Variants in EXD3 observed in about 807,000 individuals in gnomAD.
EXD3 encodes the protein exonuclease 3'-5' domain containing 3.
EXD3 carries 92 observed loss-of-function variants against 98.0 expected under a neutral mutation model. That is an observed-to-expected ratio of 0.94 (90% CI 0.79 to 1.12). EXD3 has a LOEUF of 1.12. Among genes scored for constraint, EXD3 ranks in the 50% most tolerant of loss-of-function variants. The probability of loss-of-function intolerance (pLI) is 0.00; values close to 1 mark genes in which losing one functional copy is unlikely to be tolerated. For synonymous variants in EXD3, 569 were observed against 526.0 expected (o/e 1.08, Z -1.12); for missense variants, 1,222 against 1,191.6 (o/e 1.03, Z -0.38).
At chr9:137,415,437 G>A (rs1401871865) in intron 1 of EXD3, among the ~76,000 whole-genome samples, 1 of 152,086 alleles carries the variant, frequency 6.6e-6, no homozygotes, top group Non-Finnish European at 1.5e-5. Context: ...CAGGTGATCA[G>A]CCTGCCTCGG....
rs1833990235 is a variant in EXD3 at position 137,347,346 on chromosome 9, G to A, written c.1998+725C>T. ...TGGCTGCTTGTGGCTGTTGGACTGAGGTTTCCTTGTGCGGCGTCCTCCATC... is the reference window on the plus strand; with the variant it reads ...TGGCTGCTTGTGGCTGTTGGACTGAAGTTTCCTTGTGCGGCGTCCTCCATC... On this transcript the variant is annotated intron_variant, in intron 17 of 21. Coordinates refer to ENST00000340951, the MANE Select transcript of EXD3 (RefSeq NM_017820.5). The surrounding 1 kb of genome is among the most constrained non-coding windows in gnomAD (Gnocchi z 4.2). Among the ~76,000 whole-genome samples the A allele has an allele frequency of 6.6e-6, 1 of 152,064 alleles. No individual in the cohort carries two copies. The highest frequency in any genetic ancestry group is 2.4e-5 in the African/African-American group (1 of 41,440).
chr9:137,329,978 G>GGGAGTACACA (rs1832908415), intron 17 of EXD3, among the ~76,000 whole-genome samples: 1 of 7,240 alleles, frequency 1.4e-4, no homozygotes, highest in Non-Finnish European at 2.4e-4. Flanking sequence ...GGAGCTACAC[G>GGGAGTACACA]GGACTACACA....
chr9:137,345,389 T>C (rs889847382), intron 17 of EXD3, among the ~76,000 whole-genome samples: 1 of 152,130 alleles, frequency 6.6e-6, no homozygotes, highest in Non-Finnish European at 1.5e-5. Context: ...CTGCCGGGTG[T>C]GGTGGCTCAC....
At chr9:137,330,489 C>G (rs1189800002) in intron 17 of EXD3, among the ~76,000 whole-genome samples, 1 of 107,630 alleles carries the variant, frequency 9.3e-6, no homozygotes, top group Non-Finnish European at 1.9e-5. Flanking sequence ...TACACAGGAG[C>G]TACACAGGAG....
At chr9:137,340,525 A>G (rs962709023) in intron 17 of EXD3, among the ~76,000 whole-genome samples, 9 of 152,110 alleles carry the variant, frequency 5.9e-5, no homozygotes, top group South Asian at 4.2e-4. Context: ...AGAAGACTCA[A>G]TATCTTTTTT....
intron 1 of EXD3, among the ~76,000 whole-genome samples, chr9:137,406,306 AAG>A (rs1837712153): frequency 2.0e-5 from 3 of 150,896 alleles, no homozygotes; most frequent in Admixed American, 2.0e-4. Flanking sequence ...AAAAAAGAAA[AAG>A]AAAAGAAAAA....
chr9:137,355,606 A>G (rs1330196187), intron 8 of EXD3, among the ~76,000 whole-genome samples: 2 of 20,914 alleles, frequency 9.6e-5, no homozygotes, highest in African/African-American at 2.1e-4. Flanking sequence ...GGAAGGAGAA[A>G]GGAGGAAGGA....
Position 137,324,525 on chromosome 9 carries a change from A to T in EXD3, c.1999-382T>A, listed in dbSNP as rs2119106539. On this transcript the variant is annotated intron_variant, in intron 17 of 21. Transcript: ENST00000340951. The surrounding 1 kb of genome is among the most constrained non-coding windows in gnomAD (Gnocchi z 4.1). ...CCCTAGCTCATAGGGAGCCAACTAC[A>T]CATCAAAAATGAAGAAAACCCTGCA... Among the ~76,000 whole-genome samples, 1 of 152,272 alleles carries T rather than the reference A, an allele frequency of 6.6e-6. No individual in the cohort carries two copies. The highest frequency in any genetic ancestry group is 2.1e-4 in the South Asian group (1 of 4,830).
intron 17 of EXD3, among the ~76,000 whole-genome samples, chr9:137,331,893 G>A (rs1833081042): frequency 6.6e-6 from 1 of 152,024 alleles, no homozygotes; most frequent in Non-Finnish European, 1.5e-5. Flanking sequence ...TCCCGCCTGG[G>A]CAACAGGGTG....
At chr9:137,348,330 C>G in intron 16 of EXD3, 92 bp from the exon 17 acceptor site, 3 of 1,321,092 alleles carry the variant, frequency 2.3e-6, no homozygotes, top group Admixed American at 2.7e-5. Context: ...GTGGCCAGCA[C>G]TCTGTCTCTG....
At chr9:137,387,750 C>A (rs2131736767) in intron 2 of EXD3, among the ~76,000 whole-genome samples, 1 of 152,322 alleles carries the variant, frequency 6.6e-6, no homozygotes, top group East Asian at 1.9e-4. Context: ...GCTCTCCGGC[C>A]CCAGAAGCCC....
chr9:137,355,628 T>G (rs141339380), intron 8 of EXD3, among the ~76,000 whole-genome samples: 139 of 4,916 alleles, frequency 0.028, 4 homozygotes, highest in Middle Eastern at 0.1. Flanking sequence ...GAAGGGAGGA[T>G]GGAGGAAGGA....
intron 1 of EXD3, among the ~76,000 whole-genome samples, chr9:137,421,067 T>C (rs531434582): frequency 2.0e-5 from 3 of 152,292 alleles, no homozygotes; most frequent in Admixed American, 2.0e-4. Context: ...CCTCCCACCT[T>C]GGCCTCCCAA....
chr9:137,408,546 C>CAAA (rs570243090), intron 1 of EXD3, among the ~76,000 whole-genome samples: 2,540 of 44,430 alleles, frequency 0.057, 228 homozygotes, highest in African/African-American at 0.1. Context: ...GACTCTGCCT[C>CAAA]AAAAAAAAAA....
intron 3 of EXD3, among the ~76,000 whole-genome samples, chr9:137,378,261 T>G (rs1168311705): frequency 1.3e-5 from 2 of 152,006 alleles, no homozygotes; most frequent in African/African-American, 4.8e-5. Context: ...CAGGCTGGAG[T>G]GCAGTGGCAT....
intron 17 of EXD3, among the ~76,000 whole-genome samples, chr9:137,344,185 C>T (rs565494981): frequency 6.6e-6 from 1 of 152,186 alleles, no homozygotes; most frequent in Admixed American, 6.6e-5. Context: ...GCCACTGCGC[C>T]CGGCCTGTAT....
chr9:137,349,212 C>T lies in EXD3; in HGVS notation c.1728G>A (p.Ser576=), dbSNP rs766460277. The change falls in exon 16 of 22, where the codon TCG becomes TCA. Residue 576 remains serine, a synonymous_variant. Transcript: ENST00000340951. This position sits in a 1 kb window ranked among gnomAD's most constrained non-coding sequence, Gnocchi z 7.4. The part of the protein sequence containing the change: ...LCREPARFHL[S]EDLAGSRRPR... ...GCCTCCGGCTCCCAGCCAGGTCCTC[C>T]GACAGGTGGAAGCGGGCGGGCTCTC... 55 of 1,583,118 alleles carry T rather than the reference C, an allele frequency of 3.5e-5. 1 individual carries two copies. The highest frequency in any genetic ancestry group is 3.2e-4 in the South Asian group (28 of 88,168).
chr9:137,402,278 T>G (rs1193109936), intron 1 of EXD3, among the ~76,000 whole-genome samples: 1 of 152,172 alleles, frequency 6.6e-6, no homozygotes, highest in African/African-American at 2.4e-5. Context: ...CCTCCCAAAG[T>G]GTGGGGATTA....
At chr9:137,366,156 A>G (rs1835241782) in intron 7 of EXD3, 1 of 700,752 alleles carries the variant, frequency 1.4e-6, no homozygotes, top group East Asian at 2.7e-5. Flanking sequence ...GCTTCCAAAA[A>G]CTTTATTAGA....
Sources: gnomAD v4.1 joint callset for allele counts (sites outside exome capture counted in the v4.1 genomes callset) on GRCh38, gnomAD v4.1.1 for gene constraint, Gnocchi (gnomAD v3.1) non-coding constraint, MANE v1.5 for transcripts, NCBI Gene and HGNC (gene_info 2026-07-23, HGNC 2026-07-21) for gene names.